PCDHA4: variants seen among roughly 807,000 people sequenced by gnomAD.
PCDHA4 encodes the protein protocadherin alpha-4.
PCDHA4 carries 49 observed loss-of-function variants against 61.4 expected under a neutral mutation model. That is an observed-to-expected ratio of 0.80 (90% CI 0.63 to 1.01). PCDHA4 has a LOEUF of 1.01. Among genes scored for constraint, PCDHA4 ranks in the 50% least tolerant of loss-of-function variants. The pLI, the probability that PCDHA4 is intolerant of heterozygous loss-of-function variation, is 0.00. For missense variants in PCDHA4, 1,254 were observed against 1,235.8 expected, an observed-to-expected ratio of 1.01 and a Z score of -0.22; for synonymous variants, 590 against 550.3, an observed-to-expected ratio of 1.07 and a Z score of -1.01.
chr5:140,818,637 G>A (rs1766406690), intron 1 of PCDHA4, among the ~76,000 whole-genome samples: 1 of 152,188 alleles, frequency 6.6e-6, no homozygotes, highest in Non-Finnish European at 1.5e-5. Flanking sequence ...AGGAGTTCAA[G>A]ATGAGCCTGA....
intron 1 of PCDHA4, chr5:140,830,909 C>T (rs1213244492): frequency 6.6e-6 from 1 of 152,304 alleles, no homozygotes; most frequent in African/African-American, 2.4e-5. Flanking sequence ...TTTACACTTT[C>T]CATTTCAATG....
intron 1 of PCDHA4, among the ~76,000 whole-genome samples, chr5:140,939,296 C>T (rs2153640792): frequency 6.6e-6 from 1 of 152,210 alleles, no homozygotes; most frequent in South Asian, 2.1e-4. Flanking sequence ...CTAATCATCT[C>T]TACAAAAGCC....
At chr5:140,956,665 G>A (rs1336658976) in intron 1 of PCDHA4, among the ~76,000 whole-genome samples, 3 of 152,004 alleles carry the variant, frequency 2.0e-5, no homozygotes, top group African/African-American at 7.2e-5. Context: ...TGGCCTTAAA[G>A]GAGTTAGGGA....
intron 1 of PCDHA4, chr5:140,855,987 T>A: frequency 1.4e-6 from 2 of 1,480,818 alleles, no homozygotes; most frequent in Non-Finnish European, 1.8e-6. Flanking sequence ...ACAGAAAATG[T>A]CAGATCGTAT....
intron 1 of PCDHA4, chr5:140,967,425 C>A (rs1218574888): frequency 1.2e-6 from 2 of 1,613,178 alleles, no homozygotes; most frequent in Non-Finnish European, 1.7e-6. Context: ...CGGGAGCAGG[C>A]AGCCTTGCAC....
In PCDHA4 at chr5:140,844,942, G is replaced by GGACTCT. The variant is rs2150375378; in HGVS notation, c.2385+35373_2385+35378dup. On this transcript the variant is annotated intron_variant, in intron 1 of 3. Transcript: ENST00000530339. ...GATGGAAGGGAATGAACGATTTCTG[G>GGACTCT]GACTCTGAATTCTTACAGTTTGTTA... Among the ~76,000 whole-genome samples, 244 of 149,148 alleles carry GGACTCT rather than the reference G, an allele frequency of 1.6e-3. 12 individuals are homozygous for GGACTCT. The highest frequency in any genetic ancestry group is 2.1e-3 in the Non-Finnish European group (141 of 66,614).
intron 1 of PCDHA4, among the ~76,000 whole-genome samples, chr5:140,973,337 G>T (rs2096582330): frequency 6.6e-6 from 1 of 152,162 alleles, no homozygotes; most frequent in African/African-American, 2.4e-5. Flanking sequence ...TCGTTGTAAA[G>T]TGACATAGTA....
In PCDHA4 at chr5:140,835,453, TC is replaced by T. The variant is rs1554134997; in HGVS notation, c.2385+25884del. 1.9e-6 allele frequency: 3 copies of T among 1,613,816 alleles called. No homozygotes were observed. The Admixed American group carries it at 5.0e-5, about 27-fold the overall frequency. ...CAGTTGACTCTCACTTCCCTGTCTC[TC>T]CCTATTCCAGAGGACGCCCAACCAG... On this transcript the variant is annotated intron_variant, in intron 1 of 3. Transcript: ENST00000530339.
In PCDHA4 at chr5:140,862,815, G is replaced by C. The variant is rs781964079; in HGVS notation, c.2385+53243G>C. 7 of 574,804 alleles carry C rather than the reference G, an allele frequency of 1.2e-5. No individual in the cohort carries two copies. The African/African-American group carries it at 1.3e-4, about 11-fold the overall frequency. The allele number at this position is 574,804 out of a possible 1,614,324, so 35.6% of individuals were successfully genotyped here. A position where few individuals can be genotyped will look rare whatever the true frequency, so the allele number is the denominator to read the frequency against. ...AGGAGCTGGAGCTGCTGCAGTTCTA[G>C]GTGAGAGCGCGCGACGCGGGCATGC... is the stretch of plus-strand genomic sequence containing the variant. On this transcript the variant is annotated intron_variant, in intron 1 of 3. Coordinates refer to ENST00000530339, the MANE Select transcript of PCDHA4 (RefSeq NM_018907.4).
chr5:140,822,416 C>G (rs1767302575), intron 1 of PCDHA4: 1 of 1,614,024 alleles, frequency 6.2e-7, no homozygotes. Context: ...GTGATTGCAA[C>G]TGATGGAGGA....
At chr5:140,816,507 T>TTGTG (rs2126672374) in intron 1 of PCDHA4, 29,348 of 149,446 alleles carry the variant, frequency 0.2, 2,964 homozygotes, top group Middle Eastern at 0.24. Flanking sequence ...GGAGGTGTGT[T>TTGTG]TGTGTGTGTG....
intron 1 of PCDHA4, among the ~76,000 whole-genome samples, chr5:140,959,348 G>A (rs991931151): frequency 7.2e-5 from 11 of 151,992 alleles, no homozygotes; most frequent in Middle Eastern, 6.3e-3. Flanking sequence ...GCACTCCAGC[G>A]GGACAACTGA....
chr5:140,984,861 C>A (rs1163314869), intron 3 of PCDHA4, among the ~76,000 whole-genome samples: 1 of 151,870 alleles, frequency 6.6e-6, no homozygotes, highest in Non-Finnish European at 1.5e-5. Flanking sequence ...ATAATAACAC[C>A]TATTTTATTG....
chr5:140,890,870 T>A (rs1217710440), intron 1 of PCDHA4, among the ~76,000 whole-genome samples: 1 of 152,226 alleles, frequency 6.6e-6, no homozygotes, highest in Non-Finnish European at 1.5e-5. Flanking sequence ...CTTGCCCCTC[T>A]GACCTTTCAT....
chr5:140,883,302 A>T (rs1177736093), intron 1 of PCDHA4: 1 of 1,613,992 alleles, frequency 6.2e-7, no homozygotes, highest in African/African-American at 1.3e-5. Context: ...GATGTAAATG[A>T]TAACGCCCCA....
intron 1 of PCDHA4, among the ~76,000 whole-genome samples, chr5:140,833,751 A>AC (rs1562332508): frequency 1.3e-5 from 2 of 151,248 alleles, no homozygotes; most frequent in African/African-American, 2.4e-5. Context: ...CTAAAAAGAA[A>AC]ACACACACAC....
rs2150480213 is a variant in PCDHA4, at chr5:140,850,340, G to C, written c.2385+40768G>C. 0.013 allele frequency: 21,012 copies of C among 1,597,592 alleles called. 2,634 individuals are homozygous for C. The African/African-American group carries it at 0.2, about 15-fold the overall frequency. Reference sequence around the variant, plus strand: ...TTTCATACGAGCTGCAGCCAGAAACGGCCAGCGCGAGCATCCCGTTCCGCG... The same window carrying C: ...TTTCATACGAGCTGCAGCCAGAAACCGCCAGCGCGAGCATCCCGTTCCGCG... On this transcript the variant is annotated intron_variant, in intron 1 of 3. Coordinates refer to ENST00000530339, the MANE Select transcript of PCDHA4 (RefSeq NM_018907.4).
At position 140,850,061 on chromosome 5, in the gene PCDHA4, G is replaced by T. The variant is rs2150465496; in HGVS notation, c.2385+40489G>T. 7 of 1,596,546 alleles carry T rather than the reference G, an allele frequency of 4.4e-6. No individual in the cohort carries two copies. In the South Asian group the frequency reaches 6.6e-5, roughly 15 times the overall value. ...GCGGCAAGGTGTACGCGCTGCAGCCGTTGGACCACGAGGAGCTGGAGCTGC... is the reference window on the plus strand; with the variant it reads ...GCGGCAAGGTGTACGCGCTGCAGCCTTTGGACCACGAGGAGCTGGAGCTGC... On this transcript the variant is annotated intron_variant, in intron 1 of 3. Transcript: ENST00000530339.
chr5:140,885,924 TTATC>T lies in PCDHA4; in HGVS notation c.2385+76356_2385+76359del, dbSNP rs554293197. Among the ~76,000 whole-genome samples the T allele has an allele frequency of 1.1e-3, 168 of 152,304 alleles. 1 individual carries two copies. The highest frequency in any genetic ancestry group is 9.9e-3 in the South Asian group (48 of 4,826). ...TCTGTACCTTATAGATATTAACTGT[TTATC>T]TATTTTTTGACATTTTTAATTAAAA... On this transcript the variant is annotated intron_variant, in intron 1 of 3. Coordinates refer to ENST00000530339, the MANE Select transcript of PCDHA4 (RefSeq NM_018907.4).
Sources: allele counts gnomAD v4.1 joint callset (sites outside exome capture counted in the v4.1 genomes callset), GRCh38; gene constraint gnomAD v4.1.1; transcripts MANE v1.5; gene names NCBI Gene and HGNC (gene_info 2026-07-23, HGNC 2026-07-21).